Variants in MIR2052HG observed in about 807,000 individuals in gnomAD.
MIR2052HG encodes the protein MIR2052 host gene.
rs1563538450 is a variant in MIR2052HG, at chr8:74,716,215, A to ATG, written n.371+12533_371+12534insTG. Among the ~76,000 whole-genome samples the ATG allele has an allele frequency of 1.2e-4, 19 of 152,302 alleles. No individual in the cohort carries two copies. In the East Asian group the frequency reaches 3.1e-3, roughly 25 times the overall value. On this transcript the variant is annotated intron_variant and non_coding_transcript_variant, in intron 4 of 6. Transcript: ENST00000523442. ...TCTCGCACTTATCTCTGGGCCATGC[A>ATG]GCCCAGAGAAATCTCTAACGTAGGG... is the stretch of plus-strand genomic sequence containing the variant.
At position 74,703,063 on chromosome 8, in the gene MIR2052HG, G is replaced by T. The variant is rs548152974; in HGVS notation, n.295-543G>T. Among the ~76,000 whole-genome samples the T allele has an allele frequency of 5.3e-5, 8 of 152,166 alleles. 1 individual carries two copies. In the Middle Eastern group the frequency reaches 0.017, roughly 323 times the overall value. ...TTCCCTAATGTCAATGGGGTGGAAAGATCCTAGAGTAGCAGAAGTCACATA... is the reference window on the plus strand; with the variant it reads ...TTCCCTAATGTCAATGGGGTGGAAATATCCTAGAGTAGCAGAAGTCACATA... On this transcript the variant is annotated intron_variant and non_coding_transcript_variant, in intron 3 of 6. Coordinates refer to ENST00000523442, the Ensembl canonical transcript of MIR2052HG.
intron 2 of MIR2052HG, among the ~76,000 whole-genome samples, chr8:74,639,631 C>T (rs189263306): frequency 1.1e-4 from 17 of 152,162 alleles, no homozygotes; most frequent in Admixed American, 9.2e-4. Flanking sequence ...ATTGCTTAGC[C>T]CATGATATAT....
At chr8:74,674,136 T>TG (rs1177830160) in intron 2 of MIR2052HG, among the ~76,000 whole-genome samples, 1 of 145,336 alleles carries the variant, frequency 6.9e-6, no homozygotes, top group Non-Finnish European at 1.5e-5. Context: ...CCAGAGGTTT[T>TG]TGTGTGTGTG....
chr8:74,709,395 C>T (rs1388046725), intron 4 of MIR2052HG, among the ~76,000 whole-genome samples: 1 of 151,952 alleles, frequency 6.6e-6, no homozygotes, highest in African/African-American at 2.4e-5. Flanking sequence ...CCTGGATATT[C>T]AGAATTTATG....
rs773955168 is a variant in MIR2052HG at position 74,638,336 on chromosome 8, CTG to C, written n.216+25400_216+25401del. On this transcript the variant is annotated intron_variant and non_coding_transcript_variant, in intron 2 of 6. Transcript: ENST00000523442. ...GGCCAGTTGCAGAAGGCTTTGTACA[CTG>C]TGTAATCAACATAAACATGCTGAGG... 9.4e-4 allele frequency among the ~76,000 whole-genome samples: 143 copies of C among 152,260 alleles called. 1 individual carries two copies. The highest frequency in any genetic ancestry group is 1.6e-3 in the Non-Finnish European group (109 of 68,018).
At chr8:74,615,543 C>G (rs555042770) in intron 2 of MIR2052HG, among the ~76,000 whole-genome samples, 2 of 152,112 alleles carry the variant, frequency 1.3e-5, no homozygotes, top group South Asian at 4.1e-4. Flanking sequence ...TACATTTTCC[C>G]TGATAACTAG....
intron 2 of MIR2052HG, among the ~76,000 whole-genome samples, chr8:74,682,845 C>T (rs1381012598): frequency 1.3e-5 from 2 of 151,822 alleles, no homozygotes; most frequent in Admixed American, 6.6e-5. Flanking sequence ...CAGAAAAAAA[C>T]TGGAAACAAA....
chr8:74,603,682 A>C (rs1808059856), intron 1 of MIR2052HG: 1 of 1,009,172 alleles, frequency 9.9e-7, no homozygotes, highest in Non-Finnish European at 1.6e-6. Context: ...GCCTGCAAAG[A>C]TGACCGGAGA....
chr8:74,604,095 T>C (rs1808070495), intron 1 of MIR2052HG: 1 of 934,130 alleles, frequency 1.1e-6, no homozygotes. Flanking sequence ...AATTCCCTTC[T>C]GAGATGTTGA....
intron 2 of MIR2052HG, among the ~76,000 whole-genome samples, chr8:74,660,924 C>G (rs1808857873): frequency 6.6e-6 from 1 of 151,862 alleles, no homozygotes; most frequent in Non-Finnish European, 1.5e-5. Context: ...AACCTGATAA[C>G]AGTTGGAATA....
At chr8:74,662,721 A>G (rs1343388357) in intron 2 of MIR2052HG, among the ~76,000 whole-genome samples, 1 of 152,184 alleles carries the variant, frequency 6.6e-6, no homozygotes. Flanking sequence ...ACACCTTAAT[A>G]TCTTGTAAGA....
chr8:74,702,700 A>C (rs546469307), intron 3 of MIR2052HG, among the ~76,000 whole-genome samples: 1 of 152,164 alleles, frequency 6.6e-6, no homozygotes, highest in Non-Finnish European at 1.5e-5. Context: ...TGAAGTACCA[A>C]GAAAGGAAGA....
chr8:74,641,846 A>G (rs1157809365), intron 2 of MIR2052HG, among the ~76,000 whole-genome samples: 1 of 152,184 alleles, frequency 6.6e-6, no homozygotes, highest in African/African-American at 2.4e-5. Context: ...AATAATATTT[A>G]GAGGGTGAAC....
At chr8:74,658,882 T>A (rs561626335) in intron 2 of MIR2052HG, among the ~76,000 whole-genome samples, 92 of 152,350 alleles carry the variant, frequency 6.0e-4, no homozygotes, top group Non-Finnish European at 1.2e-3. Context: ...AGTAGGCAAG[T>A]TGTTTTAACT....
chr8:74,729,401 AT>A (rs1183123461), intron 4 of MIR2052HG, among the ~76,000 whole-genome samples: 4 of 152,172 alleles, frequency 2.6e-5, no homozygotes, highest in African/African-American at 9.6e-5. Flanking sequence ...TTAACAATAA[AT>A]ACATAACACA....
intron 2 of MIR2052HG, among the ~76,000 whole-genome samples, chr8:74,635,076 G>A (rs931727395): frequency 6.6e-6 from 1 of 152,114 alleles, no homozygotes; most frequent in African/African-American, 2.4e-5. Context: ...GGGGTTGGGG[G>A]TGAATGGAAA....
chr8:74,604,914 A>G (rs1808090316), intron 1 of MIR2052HG, among the ~76,000 whole-genome samples: 1 of 151,568 alleles, frequency 6.6e-6, no homozygotes, highest in African/African-American at 2.4e-5. Flanking sequence ...TTCTTTAATT[A>G]ACTTGCTTTC....
At chr8:74,599,821 C>T (rs371749095) in exon 1 of MIR2052HG, 3,779 of 157,886 alleles carry the variant, frequency 0.024, 70 homozygotes, top group South Asian at 0.081. Flanking sequence ...CGCCCCTCCC[C>T]CCGCCTCGCT....
chr8:74,684,190 C>T (rs1039061035), intron 2 of MIR2052HG, among the ~76,000 whole-genome samples: 2 of 152,052 alleles, frequency 1.3e-5, no homozygotes, highest in African/African-American at 4.8e-5. Context: ...AGCATTCAAA[C>T]TCAGTGGCTT....
Sources: gnomAD v4.1 joint callset for allele counts (sites outside exome capture counted in the v4.1 genomes callset) on GRCh38, gnomAD v4.1.1 for gene constraint, MANE v1.5 for transcripts, NCBI Gene and HGNC (gene_info 2026-07-23, HGNC 2026-07-21) for gene names.